DVL1: variants seen among roughly 807,000 people sequenced by gnomAD.
The protein encoded by DVL1 is segment polarity protein dishevelled homolog DVL-1.
In DVL1, 49 loss-of-function variants were observed where a neutral mutation model predicts 65.0. The ratio of observed to expected loss-of-function variants is 0.75; its 90% CI spans 0.60 to 0.96. DVL1 has a LOEUF of 0.96. Among genes scored for constraint, DVL1 ranks in the 40% least tolerant of loss-of-function variants. The pLI is 0.00. For missense variants in DVL1, 1,197 were observed against 1,045.4 expected, an observed-to-expected ratio of 1.15 and a Z score of -2.00; for synonymous variants, 608 against 433.9, an observed-to-expected ratio of 1.40 and a Z score of -4.99.
intron 1 of DVL1, among the ~76,000 whole-genome samples, chr1:1,348,028 G>A (rs947257689): frequency 6.6e-6 from 1 of 152,196 alleles, no homozygotes; most frequent in African/African-American, 2.4e-5. Context: ...CACACACAAG[G>A]ACACCGCTTG....
In DVL1 at chr1:1,349,105, G is replaced by A. The variant is rs754200896; in HGVS notation, c.-40C>T. The A allele has an allele frequency of 1.7e-6, 2 of 1,206,154 alleles. No individual in the cohort carries two copies. The highest frequency in any genetic ancestry group is 2.0e-5 in the South Asian group (1 of 50,970). 74.7% of individuals were successfully genotyped at this position (1,206,154 alleles called of 1,614,324 possible). ...GCGGAGCCCGCGCGCTCAGGGCCCGGCCCGGGGCTCGGACGCGGGGCGCTA... is the reference window on the plus strand; with the variant it reads ...GCGGAGCCCGCGCGCTCAGGGCCCGACCCGGGGCTCGGACGCGGGGCGCTA... On this transcript the variant is annotated 5_prime_UTR_variant, in exon 1 of 15. Transcript: ENST00000378888. This position sits in a 1 kb window ranked among gnomAD's most constrained non-coding sequence, Gnocchi z 4.1.
intron 1 of DVL1, among the ~76,000 whole-genome samples, chr1:1,344,527 G>A (rs1363475387): frequency 1.3e-5 from 2 of 152,166 alleles, no homozygotes; most frequent in Non-Finnish European, 2.9e-5. Context: ...CCAGGTGGGA[G>A]CAGGGACCCC....
At chr1:1,340,212 T>C (rs757373183) in intron 7 of DVL1, 35 bp from the exon 8 acceptor site, 4 of 1,611,890 alleles carry the variant, frequency 2.5e-6, no homozygotes, top group Non-Finnish European at 3.4e-6. Context: ...GCCAAGCCCC[T>C]GCCCCTGCCC....
intron 11 of DVL1, 83 bp from the exon 12 acceptor site, chr1:1,338,736 G>A: frequency 1.3e-6 from 2 of 1,524,512 alleles, no homozygotes; most frequent in East Asian, 2.3e-5. Flanking sequence ...GGGAGCCTCT[G>A]GGCAGAGCCT....
intron 8 of DVL1, 21 bp downstream of exon 8, chr1:1,340,017 C>T (rs1643734508): frequency 6.2e-7 from 1 of 1,604,590 alleles, no homozygotes; most frequent in Non-Finnish European, 8.5e-7. Flanking sequence ...ACATGTCACC[C>T]CGCAGCCCCC....
At position 1,336,439 on chromosome 1, in the gene DVL1, A is replaced by T; in HGVS notation, c.1791T>A (p.Ala597=). 6.3e-7 allele frequency: 1 copy of T among 1,583,718 alleles called. No homozygotes were observed. Among genetic ancestry groups the T allele is most frequent in the Non-Finnish European group, 8.5e-7 (1 of 1,171,810 alleles). ...GREKERRAAG[A]GGSGSESDHT... ...GATCCGATTCACTGCCACTGCCCCC[A>T]GCTCCCGCCGCCCGACGCTCCTTCT... is the stretch of plus-strand genomic sequence containing the variant. Residue 597 remains alanine (A), a synonymous_variant, in exon 15 of 15, where the codon GCT becomes GCA. Coordinates refer to ENST00000378888, the MANE Select transcript of DVL1 (RefSeq NM_001330311.2).
rs763911941 is a variant in DVL1 at position 1,339,309 on chromosome 1, G to A, written c.1185C>T (p.Thr395=). The A allele has an allele frequency of 5.2e-6, 8 of 1,548,584 alleles. No homozygotes were observed. In the South Asian group the frequency reaches 8.3e-5, roughly 16 times the overall value. Reference sequence around the variant, plus strand: ...TACGTGGAGCACCAGGCACGGAGCTGGTTAGTGAGGAGGAGCTGGTGCGCG... The same window carrying A: ...TACGTGGAGCACCAGGCACGGAGCTAGTTAGTGAGGAGGAGCTGGTGCGCG... ...AVTRTSSSSL[T]SSVPGAPQLE... Residue 395 remains threonine, a synonymous_variant, in exon 11 of 15, where the codon ACC becomes ACT. Coordinates refer to ENST00000378888, the MANE Select transcript of DVL1 (RefSeq NM_001330311.2).
intron 1 of DVL1, among the ~76,000 whole-genome samples, chr1:1,347,644 TG>T (rs1333601068): frequency 1.3e-5 from 2 of 152,156 alleles, no homozygotes; most frequent in Non-Finnish European, 2.9e-5. Flanking sequence ...ACCTGACACA[TG>T]CCCCATGCTC....
chr1:1,341,085 ACACAGG>A (rs1643801315), intron 5 of DVL1, among the ~76,000 whole-genome samples: 1 of 146,992 alleles, frequency 6.8e-6, no homozygotes, highest in Non-Finnish European at 1.5e-5. Context: ...GCACCCCTGC[ACACAGG>A]CACACCTGCA....
rs978385581 is a variant in DVL1 at position 1,335,553 on chromosome 1, C to A, written c.*589G>T. ...CCTGCGGGCCATGGTCCCTCCCTGC[C>A]CTGGCTGGGACACGGTGGGCAGGAT... On this transcript the variant is annotated 3_prime_UTR_variant, in exon 15 of 15. Coordinates refer to ENST00000378888, the MANE Select transcript of DVL1 (RefSeq NM_001330311.2). 6.4e-6 allele frequency: 1 copy of A among 155,474 alleles called. No individual in the cohort carries two copies. The highest frequency in any genetic ancestry group is 1.9e-4 in the East Asian group (1 of 5,202). 9.6% of individuals were successfully genotyped at this position (155,474 alleles called of 1,614,324 possible).
chr1:1,341,371 G>T lies in DVL1; in HGVS notation c.605+296C>A, dbSNP rs561509134. On this transcript the variant is annotated intron_variant, in intron 5 of 14. Coordinates refer to ENST00000378888, the MANE Select transcript of DVL1 (RefSeq NM_001330311.2). Reference sequence around the variant, plus strand: ...CACAGGTACATGCACAGACACATCCGCAATGTGAAAACGCCTCACACAGAC... The same window carrying T: ...CACAGGTACATGCACAGACACATCCTCAATGTGAAAACGCCTCACACAGAC... 1.6e-3 allele frequency among the ~76,000 whole-genome samples: 239 copies of T among 152,014 alleles called. 2 individuals carry two copies. The highest frequency in any genetic ancestry group is 5.3e-3 in the African/African-American group (219 of 41,368).
chr1:1,338,292 T>C lies in DVL1; in HGVS notation c.1484A>G (p.Tyr495Cys). 1 of 1,546,400 alleles carries C rather than the reference T, an allele frequency of 6.5e-7. No individual in the cohort carries two copies. Among genetic ancestry groups the C allele is most frequent in the African/African-American group, 1.4e-5 (1 of 69,798 alleles). The part of the protein sequence containing the change: ...NKITFSEQCY[Y>C]VFGDLCSNLA... ...ACTGCTGCAGAGATCCCCGAAGACG[T>C]AGTAGCACTGCTCGGAGAAGGTGAT... The change falls in exon 13 of 15, where the codon TAC becomes TGC. Residue 495 changes from tyrosine (Y) to cysteine (C), a missense_variant. By Grantham distance (194) the Tyr-to-Cys change is radical. Transcript: ENST00000378888.
At chr1:1,342,800 A>G in intron 1 of DVL1, 42 bp from the exon 2 acceptor site, 1 of 1,600,358 alleles carries the variant, frequency 6.2e-7, no homozygotes, top group Non-Finnish European at 8.5e-7. Context: ...TGGGGGGCCC[A>G]ACCCTGCGGT....
rs867732546 is a variant in DVL1 at position 1,338,560 on chromosome 1, C to T, written c.1301G>A (p.Arg434His). Residue 434 changes from arginine (R) to histidine (H), a missense_variant, in exon 12 of 15, where the codon CGC (arginine) becomes CAC (histidine). Coordinates refer to ENST00000378888, the MANE Select transcript of DVL1 (RefSeq NM_001330311.2). Reference sequence around the variant, plus strand: ...GGCGATGGTGATCTTGAGCCACATGCGGTCGCGGATCTCCAGTCCCGAGTC... The same window carrying T: ...GGCGATGGTGATCTTGAGCCACATGTGGTCGCGGATCTCCAGTCCCGAGTC... ...LPDSGLEIRDRMWLKITIANA... is the reference protein window; with the variant it reads ...LPDSGLEIRDHMWLKITIANA... The T allele has an allele frequency of 3.1e-6, 5 of 1,612,532 alleles. No homozygotes were observed. The highest frequency in any genetic ancestry group is 1.7e-5 in the Admixed American group (1 of 60,012).
At chr1:1,338,223 C>T (rs757439870) in intron 13 of DVL1, 40 bp from the exon 14 acceptor site, 11 of 1,591,866 alleles carry the variant, frequency 6.9e-6, no homozygotes, top group African/African-American at 1.3e-5. Context: ...GAGGGGCCTC[C>T]GGCGTTCCCC....
intron 5 of DVL1, among the ~76,000 whole-genome samples, chr1:1,340,752 A>C (rs761928192): frequency 3.3e-5 from 5 of 151,536 alleles, no homozygotes; most frequent in East Asian, 1.9e-4. Flanking sequence ...ACCTGCACAC[A>C]TGCACACCTG....
rs755390263 is a variant in DVL1 at position 1,339,358 on chromosome 1, G to T, written c.1136C>A (p.Thr379Lys). The T allele has an allele frequency of 6.5e-7, 1 of 1,548,748 alleles. No homozygotes were observed. The change falls in exon 11 of 15, where the codon ACG becomes AAG. Residue 379 changes from threonine (T) to lysine (K), a missense_variant. Coordinates refer to ENST00000378888, the MANE Select transcript of DVL1 (RefSeq NM_001330311.2). ...ALTGALPRYG[T>K]SPCSSAVTRT... is the part of the protein sequence containing the mutation. ...CGTGACGGCGCTGGAGCAGGGACTC[G>T]TACCGTAGCGGGGCAGGGCTCCTGT... is the stretch of plus-strand genomic sequence containing the variant.
intron 5 of DVL1, 67 bp from the exon 6 acceptor site, chr1:1,340,570 C>T: frequency 6.6e-7 from 1 of 1,505,786 alleles, no homozygotes; most frequent in South Asian, 1.2e-5. Context: ...ACCCGCTCCC[C>T]CAATACTGAG....
intron 1 of DVL1, among the ~76,000 whole-genome samples, chr1:1,347,594 A>G (rs761075792): frequency 1.5e-4 from 23 of 152,240 alleles, no homozygotes; most frequent in Non-Finnish European, 3.1e-4. Context: ...TAACTTTGGT[A>G]ACTTTCGTTA....
Sources: gnomAD v4.1 joint callset for allele counts (sites outside exome capture counted in the v4.1 genomes callset) on GRCh38, gnomAD v4.1.1 for gene constraint, Gnocchi (gnomAD v3.1) non-coding constraint, MANE v1.5 for transcripts, NCBI Gene and HGNC (gene_info 2026-07-23, HGNC 2026-07-21) for gene names.